MAP3K7CL: variants seen among roughly 807,000 people sequenced by gnomAD.
The protein encoded by MAP3K7CL is MAP3K7 C-terminal like.
MAP3K7CL carries 16 observed loss-of-function variants against 18.6 expected under a neutral mutation model. The ratio of observed to expected loss-of-function variants is 0.86; its 90% CI spans 0.58 to 1.31. MAP3K7CL has a LOEUF of 1.31. Ranked by LOEUF, MAP3K7CL falls within the 50% of genes most tolerant of loss-of-function variation. The pLI is 0.00. For synonymous variants in MAP3K7CL, 65 were observed against 66.8 expected, an observed-to-expected ratio of 0.97 and a Z score of 0.13; for missense variants, 163 against 174.4, an observed-to-expected ratio of 0.93 and a Z score of 0.37.
At chr21:29,103,546 C>T (rs918794713) in intron 4 of MAP3K7CL, among the ~76,000 whole-genome samples, 3 of 152,154 alleles carry the variant, frequency 2.0e-5, no homozygotes, top group East Asian at 3.8e-4. Flanking sequence ...GTCTGGCCAA[C>T]GTGATGAAAC....
At chr21:29,133,848 T>G (rs758824842) in intron 2 of MAP3K7CL, among the ~76,000 whole-genome samples, 1 of 152,246 alleles carries the variant, frequency 6.6e-6, no homozygotes, top group East Asian at 1.9e-4. Flanking sequence ...TTCTCACTGG[T>G]GCTCCCACAC....
At chr21:29,167,662 G>A (rs971109483) in intron 4 of MAP3K7CL, among the ~76,000 whole-genome samples, 1 of 151,584 alleles carries the variant, frequency 6.6e-6, no homozygotes, top group Non-Finnish European at 1.5e-5. Context: ...TCAGGCAGGG[G>A]ACTGTACCAA....
chr21:29,139,807 A>T (rs917610488), intron 2 of MAP3K7CL, among the ~76,000 whole-genome samples: 23 of 148,724 alleles, frequency 1.5e-4, no homozygotes, highest in African/African-American at 5.2e-4. Context: ...CTGTTCTCAA[A>T]CTCCTGATCT....
intron 4 of MAP3K7CL, among the ~76,000 whole-genome samples, chr21:29,160,552 TATTA>T (rs1259551095): frequency 6.6e-6 from 1 of 152,266 alleles, no homozygotes; most frequent in Admixed American, 6.5e-5. Flanking sequence ...TATACAGTTC[TATTA>T]ATTAAAGCAT....
intron 1 of MAP3K7CL, among the ~76,000 whole-genome samples, chr21:29,131,984 G>T (rs1295698743): frequency 6.6e-6 from 1 of 152,188 alleles, no homozygotes; most frequent in Non-Finnish European, 1.5e-5. Flanking sequence ...TTTAAGGATG[G>T]CTAAAGAGAT....
chr21:29,114,321 G>A (rs1264691682), intron 4 of MAP3K7CL, among the ~76,000 whole-genome samples: 3 of 126,406 alleles, frequency 2.4e-5, no homozygotes, highest in Admixed American at 8.2e-5. Flanking sequence ...TGCCCACCTC[G>A]GCATCCCAAA....
intron 4 of MAP3K7CL, among the ~76,000 whole-genome samples, chr21:29,161,606 T>A (rs1449399273): frequency 1.3e-5 from 2 of 152,186 alleles, no homozygotes; most frequent in Non-Finnish European, 2.9e-5. Context: ...ATGTGACCAG[T>A]ATTGAAGTCA....
intron 4 of MAP3K7CL, among the ~76,000 whole-genome samples, chr21:29,161,073 G>A (rs2087535602): frequency 6.6e-6 from 1 of 152,240 alleles, no homozygotes; most frequent in Admixed American, 6.5e-5. Context: ...CACTTTAGGA[G>A]GCCGAGGCTG....
At chr21:29,122,141 A>C (rs2086604225) in intron 4 of MAP3K7CL, 1 of 152,192 alleles carries the variant, frequency 6.6e-6, no homozygotes, top group Non-Finnish European at 1.5e-5. Flanking sequence ...GACCCTTTGC[A>C]GGATTTGTGA....
intron 4 of MAP3K7CL, among the ~76,000 whole-genome samples, chr21:29,099,512 A>G (rs1310608145): frequency 1.3e-5 from 2 of 152,086 alleles, no homozygotes; most frequent in Admixed American, 6.6e-5. Context: ...AAACATCTCA[A>G]TATATATAAG....
chr21:29,096,138 G>A (rs564629440), intron 4 of MAP3K7CL, among the ~76,000 whole-genome samples: 40 of 152,264 alleles, frequency 2.6e-4, no homozygotes, highest in Non-Finnish European at 3.2e-4. Flanking sequence ...AGGAAATTTA[G>A]TGTCTACCAG....
intron 4 of MAP3K7CL, among the ~76,000 whole-genome samples, chr21:29,169,411 C>T (rs1422009572): frequency 6.6e-6 from 1 of 152,192 alleles, no homozygotes; most frequent in Non-Finnish European, 1.5e-5. Flanking sequence ...ACTTTGACAT[C>T]CTTTCTGTCA....
intron 3 of MAP3K7CL, among the ~76,000 whole-genome samples, chr21:29,153,738 C>A (rs144324472): frequency 3.3e-5 from 5 of 152,258 alleles, no homozygotes; most frequent in East Asian, 3.9e-4. Context: ...TGTGAACCAC[C>A]ACACCCAGCC....
chr21:29,078,467 C>G (rs974305274), intron 1 of MAP3K7CL, among the ~76,000 whole-genome samples: 1 of 152,096 alleles, frequency 6.6e-6, no homozygotes, highest in African/African-American at 2.4e-5. Flanking sequence ...TTCAGAGTCT[C>G]GCTGGACTAC....
At chr21:29,169,310 G>A (rs1041202643) in intron 4 of MAP3K7CL, among the ~76,000 whole-genome samples, 1 of 152,176 alleles carries the variant, frequency 6.6e-6, no homozygotes, top group East Asian at 1.9e-4. Flanking sequence ...TTAAGCATTT[G>A]TACAGCTTCA....
chr21:29,158,917 CTTTTTTTTTTTT>C (rs36003464), intron 3 of MAP3K7CL, among the ~76,000 whole-genome samples: 1 of 100,436 alleles, frequency 1.0e-5, no homozygotes, highest in Non-Finnish European at 1.9e-5. Context: ...AAAAGTAGTA[CTTTTTTTTTTTT>C]TTTTTTTTTG....
chr21:29,081,431 T>C (rs1284318701), upstream of MAP3K7CL, among the ~76,000 whole-genome samples: 1 of 152,186 alleles, frequency 6.6e-6, no homozygotes. Context: ...CAGGCGCCTG[T>C]AGTCCCAGCT....
At chr21:29,105,795 T>A (rs1319879822) in intron 4 of MAP3K7CL, among the ~76,000 whole-genome samples, 2 of 152,174 alleles carry the variant, frequency 1.3e-5, no homozygotes, top group Non-Finnish European at 1.5e-5. Flanking sequence ...GGGACTAAGG[T>A]GAGTCCTGTC....
chr21:29,103,689 C>T (rs1289613214), intron 4 of MAP3K7CL, among the ~76,000 whole-genome samples: 5 of 151,490 alleles, frequency 3.3e-5, no homozygotes, highest in South Asian at 2.1e-4. Context: ...GAGCCGGGAT[C>T]GTGCCACTGC....
Sources: allele counts gnomAD v4.1 joint callset (sites outside exome capture counted in the v4.1 genomes callset), GRCh38; gene constraint gnomAD v4.1.1; transcripts MANE v1.5; gene names NCBI Gene and HGNC (gene_info 2026-07-23, HGNC 2026-07-21).